The following TTC6 variants were observed in gnomAD, a reference collection of about 807,000 sequenced individuals.
TTC6 encodes tetratricopeptide repeat protein 6.
A neutral mutation model predicts 210.4 loss-of-function variants in TTC6; 172 were observed. That is an observed-to-expected ratio of 0.82 (90% CI 0.72 to 0.93). The LOEUF is 0.93. TTC6 is among the 40% of genes least tolerant of loss of function. The probability of loss-of-function intolerance (pLI) is 0.00; values close to 1 mark genes in which losing one functional copy is unlikely to be tolerated. For missense variants in TTC6, 2,414 were observed against 2,318.1 expected, an observed-to-expected ratio of 1.04 and a Z score of -0.85; for synonymous variants, 804 against 819.6, an observed-to-expected ratio of 0.98 and a Z score of 0.32.
chr14:37,720,075 A>G (rs1220184852), intron 6 of TTC6, among the ~76,000 whole-genome samples: 1 of 152,228 alleles, frequency 6.6e-6, no homozygotes, highest in Non-Finnish European at 1.5e-5. Context: ...GATGGCAAAG[A>G]AGCATATGAA....
intron 1 of TTC6, among the ~76,000 whole-genome samples, chr14:37,668,971 A>G (rs11848078): frequency 0.31 from 47,160 of 151,940 alleles, 7,374 homozygotes; most frequent in South Asian, 0.4. Context: ...GTTAATCCAG[A>G]CAGCCTTTCC....
intron 12 of TTC6, among the ~76,000 whole-genome samples, chr14:37,750,704 T>C (rs1215052113): frequency 6.6e-6 from 1 of 151,962 alleles, no homozygotes; most frequent in African/African-American, 2.4e-5. Context: ...CTGGGCAACA[T>C]GGTGAACCCC....
At chr14:37,706,004 A>G (rs1377920413) in intron 5 of TTC6, among the ~76,000 whole-genome samples, 1 of 152,134 alleles carries the variant, frequency 6.6e-6, no homozygotes, top group Non-Finnish European at 1.5e-5. Context: ...GCTGTGGGCA[A>G]TTGGAATCCA....
rs527307969 is a variant in TTC6, at chr14:37,654,157, G to A, written c.940-25994G>A. Among the ~76,000 whole-genome samples the A allele has an allele frequency of 2.7e-4, 41 of 152,242 alleles. 1 individual carries two copies. In the South Asian group the frequency reaches 8.3e-3, roughly 31 times the overall value. ...CTGAAGGTGGGGCCTGTTGTGAGGG[G>A]ACTGGATCATGGGGATGGTTTTCTC... On this transcript the variant is annotated intron_variant, in intron 1 of 30. Transcript: ENST00000553443.
intron 14 of TTC6, among the ~76,000 whole-genome samples, chr14:37,768,399 C>T (rs1019352735): frequency 1.3e-5 from 2 of 151,672 alleles, no homozygotes; most frequent in African/African-American, 2.4e-5. Context: ...GGAAGTATGG[C>T]CATTTTCACG....
chr14:37,808,690 A>G (rs576374525), intron 23 of TTC6, 43 bp from the exon 26 acceptor site: 6 of 980,092 alleles, frequency 6.1e-6, no homozygotes, highest in Non-Finnish European at 9.1e-6. Context: ...ATTTCAGTCC[A>G]TTATGATTTT....
At chr14:37,632,152 C>T (rs1335165080) in intron 1 of TTC6, among the ~76,000 whole-genome samples, 3 of 152,154 alleles carry the variant, frequency 2.0e-5, no homozygotes, top group East Asian at 3.9e-4. Flanking sequence ...CAGTTTTGTT[C>T]CCTTGATGGC....
chr14:37,633,684 G>T (rs2139353232), intron 1 of TTC6, among the ~76,000 whole-genome samples: 1 of 152,360 alleles, frequency 6.6e-6, no homozygotes, highest in East Asian at 1.9e-4. Flanking sequence ...GATGGAGACA[G>T]TGGAGTGTCT....
chr14:37,748,269 A>G (rs1328735263), intron 10 of TTC6, among the ~76,000 whole-genome samples: 3 of 152,208 alleles, frequency 2.0e-5, no homozygotes, highest in South Asian at 4.1e-4. Flanking sequence ...GGTATTTCTC[A>G]TAGTACATAT....
chr14:37,842,191 A>G, exon 31 of TTC6: 1 of 1,608,302 alleles, frequency 6.2e-7, no homozygotes, highest in Non-Finnish European at 8.5e-7. Flanking sequence ...CTAGTATATA[A>G]TTTTAGAGCA....
At chr14:37,656,500 GGTGTGTGTGTGTGCGT>G (rs2095723274) in intron 1 of TTC6, among the ~76,000 whole-genome samples, 1 of 137,188 alleles carries the variant, frequency 7.3e-6, no homozygotes, top group South Asian at 2.6e-4. Flanking sequence ...AACCTAGTCA[GGTGTGTGTGTGTGCGT>G]GTGTGTGTGT....
chr14:37,794,862 T>G (rs1278335463), intron 17 of TTC6, among the ~76,000 whole-genome samples: 1 of 151,984 alleles, frequency 6.6e-6, no homozygotes, highest in Non-Finnish European at 1.5e-5. Flanking sequence ...GCGCTCGAAT[T>G]AGAGGCCTGA....
chr14:37,642,764 A>G (rs767775844), intron 1 of TTC6, among the ~76,000 whole-genome samples: 6 of 152,182 alleles, frequency 3.9e-5, no homozygotes, highest in Non-Finnish European at 8.8e-5. Flanking sequence ...ATAGCCTACT[A>G]CACACCTAGA....
intron 14 of TTC6, among the ~76,000 whole-genome samples, chr14:37,762,445 T>C (rs536424476): frequency 6.6e-6 from 1 of 152,334 alleles, no homozygotes; most frequent in South Asian, 2.1e-4. Context: ...CCACCAACAG[T>C]GTACAAGAGT....
chr14:37,792,804 G>T (rs1019067189), intron 17 of TTC6, among the ~76,000 whole-genome samples: 2 of 151,046 alleles, frequency 1.3e-5, no homozygotes, highest in Non-Finnish European at 2.9e-5. Context: ...GTGTGTGTGT[G>T]TGTGTGTGTG....
At chr14:37,747,740 A>G (rs72676106) in intron 10 of TTC6, among the ~76,000 whole-genome samples, 34,640 of 152,128 alleles carry the variant, frequency 0.23, 4,881 homozygotes, top group Non-Finnish European at 0.3. Flanking sequence ...GGAGAAGGGT[A>G]GAGATGAATA....
chr14:37,824,759 T>C (rs1180093144), intron 27 of TTC6, among the ~76,000 whole-genome samples: 2 of 152,064 alleles, frequency 1.3e-5, no homozygotes, highest in African/African-American at 4.8e-5. Flanking sequence ...AAATTAACAA[T>C]GTTGAGATGT....
At chr14:37,817,544 G>A in intron 25 of TTC6, 34 bp from the exon 28 acceptor site, 1 of 1,601,528 alleles carries the variant, frequency 6.2e-7, no homozygotes, top group African/African-American at 1.3e-5. Flanking sequence ...AAATAATGTT[G>A]CAAAATTAAC....
intron 7 of TTC6, among the ~76,000 whole-genome samples, chr14:37,731,456 C>A (rs1433336491): frequency 2.6e-5 from 4 of 152,166 alleles, no homozygotes; most frequent in Non-Finnish European, 5.9e-5. Context: ...AAGGAAACTT[C>A]TTTACAGTAC....
Sources: gnomAD v4.1 joint callset for allele counts (sites outside exome capture counted in the v4.1 genomes callset) on GRCh38, gnomAD v4.1.1 for gene constraint, MANE v1.5 for transcripts, NCBI Gene and HGNC (gene_info 2026-07-23, HGNC 2026-07-21) for gene names.